DUOXA1: variants seen among roughly 807,000 people sequenced by gnomAD.
The protein encoded by DUOXA1 is dual oxidase activator 1.
Under a neutral mutation model 26.6 loss-of-function variants are expected in DUOXA1, and 19 were observed. The ratio of observed to expected loss-of-function variants is 0.71; its 90% CI spans 0.50 to 1.05. DUOXA1 has a LOEUF of 1.05. Among genes scored for constraint, DUOXA1 ranks in the 50% least tolerant of loss-of-function variants. The pLI is 0.00. For missense variants in DUOXA1, 403 were observed against 427.5 expected, an observed-to-expected ratio of 0.94 and a Z score of 0.51; for synonymous variants, 166 against 177.0, an observed-to-expected ratio of 0.94 and a Z score of 0.49.
chr15:45,120,464 G>A (rs1895074626), intron 7 of DUOXA1, 128 bp downstream of exon 7: 2 of 1,434,130 alleles, frequency 1.4e-6, no homozygotes, highest in Non-Finnish European at 2.0e-6. Context: ...TCCCAAGCCA[G>A]CACCATGGGG....
Position 45,121,190 on chromosome 15 carries a change from G to A in DUOXA1, c.237C>T (p.Gly79=). 1 of 1,614,176 alleles carries A rather than the reference G, an allele frequency of 6.2e-7. No homozygotes were observed. The highest frequency in any genetic ancestry group is 8.5e-7 in the Non-Finnish European group (1 of 1,180,022). Residue 79 remains glycine (G), a synonymous_variant, in exon 6 of 9, where the codon GGC becomes GGT. Transcript: ENST00000560572. Reference sequence around the variant, plus strand: ...TGTATGATGTGTTGGTGCTGACCTGGCCCACAGACCACTCAGAACTGAAAT... The same window carrying A: ...TGTATGATGTGTTGGTGCTGACCTGACCCACAGACCACTCAGAACTGAAAT... The part of the protein sequence containing the change: ...AVNFSSEWSV[G]QVSTNTSYKA...
chr15:45,121,056 C>G (rs1256795026), intron 6 of DUOXA1, 31 bp downstream of exon 6: 1 of 1,613,272 alleles, frequency 6.2e-7, no homozygotes, highest in Non-Finnish European at 8.5e-7. Context: ...CAGAGCCTTC[C>G]CCCCCACCAC....
At position 45,120,195 on chromosome 15, in the gene DUOXA1, G is replaced by A; in HGVS notation, c.680C>T (p.Ala227Val). The A allele has an allele frequency of 6.2e-7, 1 of 1,614,118 alleles. No individual in the cohort carries two copies. Reference protein sequence around the residue: ...QLLALLFFSMATSLTSPCPLH... With the variant: ...QLLALLFFSMVTSLTSPCPLH... ...GGGACAGGGTGAGGTGAGTGATGTGGCCATGGAGAAGAAGAGCAGAGCCAA... is the reference window on the plus strand; with the variant it reads ...GGGACAGGGTGAGGTGAGTGATGTGACCATGGAGAAGAAGAGCAGAGCCAA... The change falls in exon 8 of 9, where the codon GCC becomes GTC. Residue 227 changes from alanine to valine, a missense_variant. Coordinates refer to ENST00000560572, the MANE Select transcript of DUOXA1 (RefSeq NM_001276266.2).
In DUOXA1 at chr15:45,117,598, C is replaced by A. The variant is rs374391508; in HGVS notation, c.*1508G>T. On this transcript the variant is annotated 3_prime_UTR_variant, in exon 9 of 9. Coordinates refer to ENST00000560572, the MANE Select transcript of DUOXA1 (RefSeq NM_001276266.2). ...AAGGCCCGGGCATCACGCCTGTAATCCCAGCACTTTGGGAGGTCGAGGCAG... is the reference window on the plus strand; with the variant it reads ...AAGGCCCGGGCATCACGCCTGTAATACCAGCACTTTGGGAGGTCGAGGCAG... 1.7e-5 allele frequency: 27 copies of A among 1,612,854 alleles called. No homozygotes were observed. The African/African-American group carries it at 3.2e-4, about 19-fold the overall frequency.
chr15:45,122,062 G>T (rs1326352007), intron 5 of DUOXA1, 123 bp downstream of exon 5: 25 of 1,032,272 alleles, frequency 2.4e-5, no homozygotes, highest in Non-Finnish European at 3.1e-5. Context: ...TATGGGCAGG[G>T]TCTGGAAGCC....
chr15:45,128,275 C>T (rs982334823), intron 3 of DUOXA1, among the ~76,000 whole-genome samples: 3 of 152,222 alleles, frequency 2.0e-5, no homozygotes, highest in South Asian at 2.1e-4. Context: ...TATGTGCTAA[C>T]GTCTTGTGGC....
chr15:45,121,103 G>C lies in DUOXA1; in HGVS notation c.324C>G (p.Val108=). 2 of 1,614,064 alleles carry C rather than the reference G, an allele frequency of 1.2e-6. No individual in the cohort carries two copies. Among genetic ancestry groups the C allele is most frequent in the Non-Finnish European group, 1.7e-6 (2 of 1,180,004 alleles). The change falls in exon 6 of 9, where the codon GTC becomes GTG. Residue 108 remains valine, a synonymous_variant. Transcript: ENST00000560572. ...CTCCCTCACCTGTGAGTGTGATGTT[G>C]ACTCCACCCAGCCCGACCTGCAGCC... ...DIGLQVGLGG[V]NITLTGTPVQ...
At chr15:45,122,467 G>A (rs1895312866) in intron 4 of DUOXA1, among the ~76,000 whole-genome samples, 1 of 152,016 alleles carries the variant, frequency 6.6e-6, no homozygotes, top group African/African-American at 2.4e-5. Context: ...GGGCAGTGAT[G>A]CGATCTTATA....
At chr15:45,126,165 C>G (rs887872568) in intron 3 of DUOXA1, among the ~76,000 whole-genome samples, 1 of 152,194 alleles carries the variant, frequency 6.6e-6, no homozygotes, top group Non-Finnish European at 1.5e-5. Context: ...CCTCTCTTAC[C>G]TGGTTCCAAA....
At position 45,122,223 on chromosome 15, in the gene DUOXA1, C is replaced by G; in HGVS notation, c.167G>C (p.Arg56Pro). Reference sequence around the variant, plus strand: ...CCCGATGAATAAGCTGGTCACCACCCGAAGCAGCCAGAACAGCCTCTGAGT... The same window carrying G: ...CCCGATGAATAAGCTGGTCACCACCGGAAGCAGCCAGAACAGCCTCTGAGT... Reference protein sequence around the residue: ...RGKTRLFWLLRVVTSLFIGAA... With the variant: ...RGKTRLFWLLPVVTSLFIGAA... The change falls in exon 5 of 9, where the codon CGG becomes CCG. Residue 56 changes from arginine to proline, a missense_variant. Coordinates refer to ENST00000560572, the MANE Select transcript of DUOXA1 (RefSeq NM_001276266.2). 1 of 1,605,196 alleles carries G rather than the reference C, an allele frequency of 6.2e-7. No individual in the cohort carries two copies. Among genetic ancestry groups the G allele is most frequent in the Non-Finnish European group, 8.5e-7 (1 of 1,176,004 alleles).
At chr15:45,121,349 G>GGGTCTGGCTCATGGTA in intron 5 of DUOXA1, 128 bp from the exon 6 acceptor site, 4 of 1,388,590 alleles carry the variant, frequency 2.9e-6, no homozygotes, top group Non-Finnish European at 3.9e-6. Context: ...TAACTAGCCA[G>GGGTCTGGCTCATGGTA]GGTCTGGCTC....
At chr15:45,124,583 C>G (rs1161609025) in intron 3 of DUOXA1, among the ~76,000 whole-genome samples, 1 of 152,150 alleles carries the variant, frequency 6.6e-6, no homozygotes, top group African/African-American at 2.4e-5. Context: ...CATCTTGGTT[C>G]ACTGCAACCT....
Position 45,120,100 on chromosome 15 carries a change from T to TA in DUOXA1, c.772+2dup. On this transcript the variant is annotated splice_region_variant and intron_variant, in intron 8 of 8. Transcript: ENST00000560572. ...AGTGCTTGTCTTTAGGGCTGGGTCT[T>TA]ACCTGTGGTCAATGTGATCCAGAAG... 2 of 1,613,786 alleles carry TA rather than the reference T, an allele frequency of 1.2e-6. No homozygotes were observed. Among genetic ancestry groups the TA allele is most frequent in the Non-Finnish European group, 1.7e-6 (2 of 1,179,972 alleles).
chr15:45,120,515 G>A lies in DUOXA1; in HGVS notation c.554+77C>T, dbSNP rs1001944739. 1.8e-5 allele frequency: 27 copies of A among 1,537,120 alleles called. No homozygotes were observed. In the East Asian group the frequency reaches 2.2e-4, roughly 13 times the overall value. On this transcript the variant is annotated intron_variant, in intron 7 of 8. Transcript: ENST00000560572. ...CCCCACCTGAGATACCCACATGAGT[G>A]GAGGAGAGATGGGTAGAAACCCTGT... is the stretch of plus-strand genomic sequence containing the variant.
intron 3 of DUOXA1, among the ~76,000 whole-genome samples, chr15:45,123,388 G>A (rs1031627333): frequency 2.0e-5 from 3 of 152,090 alleles, no homozygotes; most frequent in Non-Finnish European, 4.4e-5. Context: ...TCTCCTTCAG[G>A]CCCCTAGCAC....
chr15:45,119,260 A>T lies in DUOXA1; in HGVS notation c.878T>A (p.Leu293Gln). ...FNQSVDEDPM[L>Q]EWSPEEGGLL... ...TCCACCTTCCTCAGGACTCCACTCC[A>T]GCATGGGGTCTTCATCCACACTCTG... The change falls in exon 9 of 9, where the codon CTG (leucine) becomes CAG (glutamine). Residue 293 changes from leucine to glutamine, a missense_variant. Transcript: ENST00000560572. The T allele has an allele frequency of 6.2e-7, 1 of 1,614,162 alleles. No individual in the cohort carries two copies. The highest frequency in any genetic ancestry group is 8.5e-7 in the Non-Finnish European group (1 of 1,180,020).
chr15:45,117,784 A>C lies in DUOXA1; in HGVS notation c.*1322T>G, dbSNP rs747767492. On this transcript the variant is annotated 3_prime_UTR_variant, in exon 9 of 9. Coordinates refer to ENST00000560572, the MANE Select transcript of DUOXA1 (RefSeq NM_001276266.2). ...GTATGTTCGGCCCAGCGCTCTTCGC[A>C]CCCTTCTGGACCAAAGCGCCAAGGA... 6.2e-7 allele frequency: 1 copy of C among 1,613,842 alleles called. No homozygotes were observed. The highest frequency in any genetic ancestry group is 8.5e-7 in the Non-Finnish European group (1 of 1,180,020).
At position 45,120,260 on chromosome 15, in the gene DUOXA1, A is replaced by G. The variant is rs1364955391; in HGVS notation, c.615T>C (p.Tyr205=). Residue 205 remains tyrosine (Y), a synonymous_variant, in exon 8 of 9, where the codon TAT becomes TAC. Transcript: ENST00000560572. ...NVMLSMPVLV[Y]GGYMLLATGI... is the part of the protein sequence containing the mutation. ...CCGTGGCCAATAGCATGTAGCCACC[A>G]TATACCAGCACAGGCATGGAGAGCA... The G allele has an allele frequency of 1.9e-6, 3 of 1,614,044 alleles. No individual in the cohort carries two copies. The highest frequency in any genetic ancestry group is 8.5e-7 in the Non-Finnish European group (1 of 1,180,014).
chr15:45,125,398 A>G (rs74011361), intron 3 of DUOXA1, among the ~76,000 whole-genome samples: 23,843 of 152,038 alleles, frequency 0.16, 4,713 homozygotes, highest in African/African-American at 0.46. Flanking sequence ...AGAACACACA[A>G]AAAAAGAACC....
Sources: gnomAD v4.1 joint callset for allele counts (sites outside exome capture counted in the v4.1 genomes callset) on GRCh38, gnomAD v4.1.1 for gene constraint, MANE v1.5 for transcripts, NCBI Gene and HGNC (gene_info 2026-07-23, HGNC 2026-07-21) for gene names.